The following EIF2AK4 variants were observed in gnomAD, a reference collection of about 807,000 sequenced individuals.
The protein encoded by EIF2AK4 is eukaryotic translation initiation factor 2 alpha kinase 4.
In EIF2AK4, 139 loss-of-function variants were observed where a neutral mutation model predicts 211.1. The observed-to-expected ratio is 0.66, with a 90% CI of 0.57 to 0.76. The LOEUF (loss-of-function observed/expected upper bound fraction) is 0.76, where lower values mean the gene tolerates loss of function less well. Ranked by LOEUF, EIF2AK4 falls within the 30% of genes least tolerant of loss-of-function variation. The pLI is 0.00. For missense variants in EIF2AK4, 1,664 were observed against 2,043.8 expected (o/e 0.81, Z 3.58); for synonymous variants, 710 against 751.3 (o/e 0.94, Z 0.90).
intron 3 of EIF2AK4, 75 bp downstream of exon 3, chr15:39,943,560 C>G: frequency 8.6e-7 from 1 of 1,163,806 alleles, no homozygotes; most frequent in South Asian, 1.4e-5. Flanking sequence ...TTTTGAGTAG[C>G]ATGTTTTGTG....
intron 29 of EIF2AK4, among the ~76,000 whole-genome samples, chr15:40,018,583 A>C (rs2035340856): frequency 6.6e-6 from 1 of 152,036 alleles, no homozygotes; most frequent in Non-Finnish European, 1.5e-5. Context: ...TGGCCTTTCA[A>C]AGCACTGGGA....
Position 40,011,294 on chromosome 15 carries a change from CGAG to C in EIF2AK4, c.3711_3713del (p.Arg1238del), listed in dbSNP as rs759015620. On this transcript the variant is annotated inframe_deletion, in exon 27 of 39. Transcript: ENST00000263791. ...CTTCCACGTTAGACAGAGAAGCTGA[CGAG>C]GAGAGAAGTGGAAGCTAAATTTTGT... 2.5e-6 allele frequency: 4 copies of C among 1,613,732 alleles called. No individual in the cohort carries two copies. The highest frequency in any genetic ancestry group is 2.2e-5 in the East Asian group (1 of 44,874).
intron 3 of EIF2AK4, chr15:39,946,559 G>A (rs2034230243): frequency 5.7e-6 from 4 of 702,134 alleles, no homozygotes; most frequent in Non-Finnish European, 7.8e-6. Context: ...CGAGCATTTA[G>A]GATATTTCAT....
intron 9 of EIF2AK4, among the ~76,000 whole-genome samples, chr15:39,968,270 G>GC (rs1297259603): frequency 6.6e-6 from 1 of 152,196 alleles, no homozygotes; most frequent in Non-Finnish European, 1.5e-5. Context: ...GTGAGATTCT[G>GC]CCCCTTGTGC....
chr15:39,973,609 T>C lies in EIF2AK4; in HGVS notation c.1678T>C (p.Tyr560His). ...QSPEDSEGQD[Y>H]VETVIPSNRL... is the part of the protein sequence containing the mutation. ...TATCTCAGATTCTGAAGGACAAGAT[T>C]ATGTTGAGACTGTTATTCCTAGCAA... The change falls in exon 11 of 39, where the codon TAT becomes CAT. Residue 560 changes from tyrosine (Y) to histidine (H), a missense_variant. Around this residue, in one of 7 missense-constraint regions of EIF2AK4, gnomAD observed 641 missense variants for 729.6 expected, o/e 0.88. Coordinates refer to ENST00000263791, the MANE Select transcript of EIF2AK4 (RefSeq NM_001013703.4). 6.2e-7 allele frequency: 1 copy of C among 1,613,280 alleles called. No homozygotes were observed. The highest frequency in any genetic ancestry group is 8.5e-7 in the Non-Finnish European group (1 of 1,179,616).
At chr15:39,967,135 T>G (rs1035570419) in intron 8 of EIF2AK4, among the ~76,000 whole-genome samples, 1 of 152,216 alleles carries the variant, frequency 6.6e-6, no homozygotes, top group Non-Finnish European at 1.5e-5. Context: ...ACTATTAGAT[T>G]GACCATATGG....
intron 32 of EIF2AK4, among the ~76,000 whole-genome samples, chr15:40,025,617 C>T (rs890651521): frequency 4.6e-5 from 7 of 151,922 alleles, no homozygotes; most frequent in African/African-American, 1.7e-4. Flanking sequence ...TAAAGAATCA[C>T]ATGAAATGAG....
At chr15:39,996,536 C>G (rs934673344) in intron 18 of EIF2AK4, among the ~76,000 whole-genome samples, 1 of 152,132 alleles carries the variant, frequency 6.6e-6, no homozygotes, top group African/African-American at 2.4e-5. Flanking sequence ...AAAACCCACT[C>G]TGTACAAAAA....
At chr15:39,941,518 T>C (rs918918158) in intron 2 of EIF2AK4, among the ~76,000 whole-genome samples, 1 of 151,952 alleles carries the variant, frequency 6.6e-6, no homozygotes, top group African/African-American at 2.4e-5. Flanking sequence ...GCCTCAAGAA[T>C]TCAAAGTGTT....
rs370121471 is a variant in EIF2AK4 at position 39,987,875 on chromosome 15, TAA to T, written c.2404-105_2404-104del. ...AAACCAAGTCTTTCCCCTAACCGTT[TAA>T]AACCCATGGTACACGTTTTAAAATG... On this transcript the variant is annotated intron_variant, in intron 14 of 38. Transcript: ENST00000263791. 736 of 1,319,840 alleles carry T rather than the reference TAA, an allele frequency of 5.6e-4. 2 individuals are homozygous for T. The African/African-American group carries it at 9.0e-3, about 16-fold the overall frequency. The allele number at this position is 1,319,840 out of a possible 1,614,324, so 81.8% of individuals were successfully genotyped here.
chr15:39,968,870 T>C (rs900131948), intron 9 of EIF2AK4, among the ~76,000 whole-genome samples: 1 of 106,016 alleles, frequency 9.4e-6, no homozygotes, highest in African/African-American at 3.6e-5. Flanking sequence ...GTAAAGTGAA[T>C]ATGATATATA....
At chr15:40,006,890 A>G in intron 23 of EIF2AK4, 126 bp from the exon 24 acceptor site, 3 of 670,602 alleles carry the variant, frequency 4.5e-6, no homozygotes, top group Non-Finnish European at 7.7e-6. Context: ...TGAATACACT[A>G]AAAGCCACTG....
intron 9 of EIF2AK4, among the ~76,000 whole-genome samples, chr15:39,968,951 C>T (rs1395822370): frequency 3.3e-5 from 5 of 151,824 alleles, no homozygotes; most frequent in Admixed American, 6.6e-5. Context: ...GTTGGTTTCT[C>T]GCCTTGAAGT....
At chr15:40,022,924 G>C (rs922590172) in intron 32 of EIF2AK4, among the ~76,000 whole-genome samples, 19 of 152,060 alleles carry the variant, frequency 1.2e-4, no homozygotes, top group African/African-American at 4.3e-4. Context: ...TAGTGGAGAC[G>C]GGGTTTCACC....
chr15:40,001,265 T>C (rs2035087254), intron 21 of EIF2AK4, 41 bp downstream of exon 21: 1 of 1,592,658 alleles, frequency 6.3e-7, no homozygotes, highest in Non-Finnish European at 8.6e-7. Context: ...CTTCACCTTG[T>C]CCACAAAAGG....
intron 9 of EIF2AK4, 98 bp downstream of exon 9, chr15:39,967,977 G>T (rs1000636165): frequency 6.4e-6 from 8 of 1,248,414 alleles, no homozygotes; most frequent in South Asian, 5.8e-5. Context: ...AAGCTGAGAA[G>T]TGAGGAACAG....
At chr15:40,001,303 T>G in intron 21 of EIF2AK4, 79 bp downstream of exon 21, 1 of 1,393,040 alleles carries the variant, frequency 7.2e-7, no homozygotes, top group East Asian at 2.3e-5. Flanking sequence ...CAGATTCTTT[T>G]AATGCCTCTA....
chr15:39,970,757 G>C (rs1362873324), intron 9 of EIF2AK4, among the ~76,000 whole-genome samples: 1 of 152,068 alleles, frequency 6.6e-6, no homozygotes, highest in Admixed American at 6.5e-5. Context: ...TTGGTCAAAG[G>C]CTTTATCATT....
At chr15:39,988,870 G>A (rs1021600744) in intron 15 of EIF2AK4, among the ~76,000 whole-genome samples, 7 of 152,146 alleles carry the variant, frequency 4.6e-5, no homozygotes, top group African/African-American at 1.7e-4. Flanking sequence ...GTGTCGTGGT[G>A]CACACTTGTA....
Sources: allele counts gnomAD v4.1 joint callset (sites outside exome capture counted in the v4.1 genomes callset), GRCh38; gene constraint gnomAD v4.1.1; regional missense constraint gnomAD v4.1.1; transcripts MANE v1.5; gene names NCBI Gene and HGNC (gene_info 2026-07-23, HGNC 2026-07-21).